Variants in LDB2 observed in about 807,000 individuals in gnomAD.
The protein encoded by LDB2 is LIM domain binding 2.
In LDB2, 12 loss-of-function variants were observed where a neutral mutation model predicts 44.3. The observed-to-expected ratio is 0.27, with a 90% CI of 0.17 to 0.44. The LOEUF is 0.44. Among genes scored for constraint, LDB2 ranks in the 20% least tolerant of loss-of-function variants. LDB2 has a pLI of 1.00. For missense variants in LDB2, 344 were observed against 473.5 expected (o/e 0.73, Z 2.54); for synonymous variants, 164 against 174.8 (o/e 0.94, Z 0.49).
chr4:16,698,493 A>G (rs912011672), intron 2 of LDB2, among the ~76,000 whole-genome samples: 2 of 152,114 alleles, frequency 1.3e-5, no homozygotes, highest in African/African-American at 2.4e-5. Flanking sequence ...GCTGTATTTG[A>G]TTTGTATTTC....
chr4:16,729,342 A>G (rs1760233626), intron 2 of LDB2, among the ~76,000 whole-genome samples: 1 of 152,196 alleles, frequency 6.6e-6, no homozygotes, highest in Non-Finnish European at 1.5e-5. Flanking sequence ...TTTAAGGGTA[A>G]CGCACATTTG....
At chr4:16,530,772 A>C (rs949023892) in intron 5 of LDB2, among the ~76,000 whole-genome samples, 8 of 152,138 alleles carry the variant, frequency 5.3e-5, no homozygotes, top group Non-Finnish European at 1.0e-4. Flanking sequence ...CTGAGCCAAC[A>C]CACAGCCTCC....
chr4:16,755,513 GTGTGTGTGTGT>G (rs1561113656), intron 2 of LDB2, among the ~76,000 whole-genome samples: 34 of 95,836 alleles, frequency 3.5e-4, no homozygotes, highest in African/African-American at 1.1e-3. Flanking sequence ...GTGTGTGTGT[GTGTGTGTGTGT>G]ATGTGAGAGA....
At chr4:16,676,522 T>A (rs1347022263) in intron 2 of LDB2, among the ~76,000 whole-genome samples, 1 of 152,218 alleles carries the variant, frequency 6.6e-6, no homozygotes, top group Admixed American at 6.5e-5. Context: ...CAATGTCAAG[T>A]GCTGTGGGGA....
At chr4:16,680,053 C>T (rs1296958666) in intron 2 of LDB2, among the ~76,000 whole-genome samples, 1 of 152,082 alleles carries the variant, frequency 6.6e-6, no homozygotes, top group East Asian at 1.9e-4. Context: ...GAGATGGGAC[C>T]TTTGGGAGGT....
intron 2 of LDB2, among the ~76,000 whole-genome samples, chr4:16,669,947 T>C (rs1744282519): frequency 6.6e-6 from 1 of 152,228 alleles, no homozygotes; most frequent in African/African-American, 2.4e-5. Context: ...AAATAAAGTT[T>C]TATTGGAACA....
intron 1 of LDB2, among the ~76,000 whole-genome samples, chr4:16,852,313 G>A (rs766470545): frequency 6.6e-6 from 1 of 152,190 alleles, no homozygotes; most frequent in Non-Finnish European, 1.5e-5. Flanking sequence ...GGAAGGAAAT[G>A]TTCCTTCTGC....
intron 1 of LDB2, among the ~76,000 whole-genome samples, chr4:16,844,248 CAAAAAAAA>C (rs34034796): frequency 4.1e-3 from 122 of 30,078 alleles, no homozygotes; most frequent in Non-Finnish European, 5.5e-3. Context: ...ACCCTGTCTC[CAAAAAAAA>C]AAAAAAAAAA....
intron 5 of LDB2, among the ~76,000 whole-genome samples, chr4:16,560,844 C>A (rs1426662547): frequency 6.6e-6 from 1 of 152,140 alleles, no homozygotes; most frequent in Admixed American, 6.5e-5. Context: ...CCGAATCCAG[C>A]AGCACATCAA....
chr4:16,682,908 G>C (rs1748316564), intron 2 of LDB2, among the ~76,000 whole-genome samples: 1 of 152,198 alleles, frequency 6.6e-6, no homozygotes, highest in African/African-American at 2.4e-5. Context: ...TACCTCTCAA[G>C]AAACTCTGAT....
chr4:16,787,424 T>C (rs1001584564), intron 1 of LDB2, among the ~76,000 whole-genome samples: 4 of 152,022 alleles, frequency 2.6e-5, no homozygotes, highest in Non-Finnish European at 2.9e-5. Flanking sequence ...ACCAGCCTGG[T>C]CAACATGGTG....
intron 2 of LDB2, among the ~76,000 whole-genome samples, chr4:16,612,761 T>TTTTGTTTG (rs1489729811): frequency 6.6e-6 from 1 of 152,226 alleles, no homozygotes; most frequent in Non-Finnish European, 1.5e-5. Context: ...ACAGCTGAAT[T>TTTTGTTTG]GTACCGGAAA....
Position 16,890,039 on chromosome 4 carries a change from A to G in LDB2, c.132+8315T>C, listed in dbSNP as rs144741050. On this transcript the variant is annotated intron_variant, in intron 1 of 7. Coordinates refer to ENST00000304523, the MANE Select transcript of LDB2 (RefSeq NM_001290.5). ...CCCAACTCAACTGAGGTCTCCTAAT[A>G]CTTAGCTGAGTTATTACAAAGAAAG... 2.2e-3 allele frequency among the ~76,000 whole-genome samples: 336 copies of G among 152,260 alleles called. 3 individuals are homozygous for G. The highest frequency in any genetic ancestry group is 1.7e-3 in the Non-Finnish European group (119 of 68,032).
In LDB2 at chr4:16,560,244, C is replaced by A. The variant is rs954160213; in HGVS notation, c.615+25678G>T. On this transcript the variant is annotated intron_variant, in intron 5 of 7. Coordinates refer to ENST00000304523, the MANE Select transcript of LDB2 (RefSeq NM_001290.5). ...AGCAGAACTGAAGGAAATAGTGACACCAAAAACCCTTAAAAAATTAATGAA... is the reference window on the plus strand; with the variant it reads ...AGCAGAACTGAAGGAAATAGTGACAACAAAAACCCTTAAAAAATTAATGAA... Among the ~76,000 whole-genome samples, 3 of 152,040 alleles carry A rather than the reference C, an allele frequency of 2.0e-5. 1 individual carries two copies. The highest frequency in any genetic ancestry group is 7.2e-5 in the African/African-American group (3 of 41,402).
At chr4:16,668,307 T>C (rs966670187) in intron 2 of LDB2, among the ~76,000 whole-genome samples, 10 of 152,186 alleles carry the variant, frequency 6.6e-5, no homozygotes, top group African/African-American at 2.2e-4. Context: ...TGAAATTGCC[T>C]GTTCCCCTCC....
At chr4:16,714,776 G>A (rs1756707889) in intron 2 of LDB2, among the ~76,000 whole-genome samples, 1 of 152,088 alleles carries the variant, frequency 6.6e-6, no homozygotes, top group South Asian at 2.1e-4. Flanking sequence ...AACCCTTGGA[G>A]TTCCTGGGCT....
At chr4:16,531,669 T>C (rs1193715080) in intron 5 of LDB2, among the ~76,000 whole-genome samples, 1 of 152,242 alleles carries the variant, frequency 6.6e-6, no homozygotes, top group African/African-American at 2.4e-5. Context: ...GTTCAAGTTC[T>C]TGTGGGTCCA....
chr4:16,847,894 G>C (rs1376277300), intron 1 of LDB2, among the ~76,000 whole-genome samples: 1 of 152,214 alleles, frequency 6.6e-6, no homozygotes, highest in African/African-American at 2.4e-5. Context: ...GGGATTACAG[G>C]CGTGAGCCAC....
At chr4:16,760,065 CAG>C (rs1255560677) in intron 1 of LDB2, among the ~76,000 whole-genome samples, 2 of 152,154 alleles carry the variant, frequency 1.3e-5, no homozygotes. Flanking sequence ...GAAGGTTATA[CAG>C]AGTGTCATAT....
Sources: gnomAD v4.1 joint callset for allele counts (sites outside exome capture counted in the v4.1 genomes callset) on GRCh38, gnomAD v4.1.1 for gene constraint, MANE v1.5 for transcripts, NCBI Gene and HGNC (gene_info 2026-07-23, HGNC 2026-07-21) for gene names.